PTGFR: variants seen among roughly 807,000 people sequenced by gnomAD.
PTGFR encodes the protein prostaglandin F2-alpha receptor.
PTGFR carries 15 observed loss-of-function variants against 26.2 expected under a neutral mutation model. The observed-to-expected ratio is 0.57, with a 90% CI of 0.38 to 0.88. The LOEUF (loss-of-function observed/expected upper bound fraction) is 0.88, where lower values mean the gene tolerates loss of function less well. PTGFR is among the 40% of genes least tolerant of loss of function. PTGFR has a pLI of 0.00. For missense variants in PTGFR, 369 were observed against 427.2 expected (o/e 0.86, Z 1.20); for synonymous variants, 165 against 151.1 (o/e 1.09, Z -0.68).
Position 78,539,914 on chromosome 1 carries a change from C to A in PTGFR, c.*3227C>A, listed in dbSNP as rs1267578951. Among the ~76,000 whole-genome samples, 3 of 152,022 alleles carry A rather than the reference C, an allele frequency of 2.0e-5. No individual in the cohort carries two copies. The highest frequency in any genetic ancestry group is 2.9e-5 in the Non-Finnish European group (2 of 67,988). On this transcript the variant is annotated 3_prime_UTR_variant, in exon 3 of 3. Transcript: ENST00000370757. ...CTTCTGTGATATCTTCTCTCTTTTA[C>A]CTGTGTCTCAACTTACCTAGGCAAG...
At position 78,536,741 on chromosome 1, in the gene PTGFR, G is replaced by A. The variant is rs774164838; in HGVS notation, c.*54G>A. 432 of 1,533,652 alleles carry A rather than the reference G, an allele frequency of 2.8e-4. 1 individual carries two copies. The highest frequency in any genetic ancestry group is 3.9e-4 in the South Asian group (31 of 78,612). On this transcript the variant is annotated 3_prime_UTR_variant, in exon 3 of 3. Transcript: ENST00000370757. The stretch of plus-strand genomic sequence containing the variant: ...CTAGAACAAAATTAAGACATGTTTG[G>A]CAATATTTCAGTTAGTTAAATACCT...
intron 2 of PTGFR, among the ~76,000 whole-genome samples, chr1:78,515,853 A>G (rs79166555): frequency 3.0e-4 from 46 of 152,294 alleles, no homozygotes; most frequent in African/African-American, 1.1e-3. Context: ...CTACTTGGAA[A>G]AGTTCAAGAA....
intron 2 of PTGFR, among the ~76,000 whole-genome samples, chr1:78,497,066 T>A (rs1649570919): frequency 6.6e-6 from 1 of 152,170 alleles, no homozygotes; most frequent in South Asian, 2.1e-4. Context: ...GTGTCCACCA[T>A]TACAGGATCA....
intron 2 of PTGFR, among the ~76,000 whole-genome samples, chr1:78,532,872 A>G (rs978562692): frequency 3.9e-5 from 6 of 152,180 alleles, no homozygotes; most frequent in Non-Finnish European, 4.4e-5. Flanking sequence ...TACTCTACAT[A>G]TTAACTGAGT....
chr1:78,517,638 C>T (rs541847784), intron 2 of PTGFR, among the ~76,000 whole-genome samples: 34 of 152,168 alleles, frequency 2.2e-4, no homozygotes, highest in Admixed American at 8.5e-4. Context: ...AAAGGTCATT[C>T]ACTGGAGCAA....
Position 78,538,488 on chromosome 1 carries a change from T to C in PTGFR, c.*1801T>C, listed in dbSNP as rs936407965. 4.6e-5 allele frequency: 7 copies of C among 151,710 alleles called. 1 individual carries two copies. In the East Asian group the frequency reaches 1.4e-3, roughly 29 times the overall value. 9.4% of individuals were successfully genotyped at this position (151,710 alleles called of 1,614,324 possible). ...TGAGTATATGTTTGGGTAACCAAAT[T>C]GGTCTTAAAAATGATGTTAACCCAA... On this transcript the variant is annotated 3_prime_UTR_variant, in exon 3 of 3. Transcript: ENST00000370757.
At position 78,536,538 on chromosome 1, in the gene PTGFR, G is replaced by C; in HGVS notation, c.931G>C (p.Val311Leu). The C allele has an allele frequency of 6.2e-7, 1 of 1,613,400 alleles. No individual in the cohort carries two copies. Among genetic ancestry groups the C allele is most frequent in the Non-Finnish European group, 8.5e-7 (1 of 1,179,520 alleles). ...PWVYILLRKAVLKNLYKLASQ... is the reference protein window; with the variant it reads ...PWVYILLRKALLKNLYKLASQ... ...GGTATATATTCTTCTACGAAAGGCTGTCCTTAAGAATCTCTATAAGCTTGC... is the reference window on the plus strand; with the variant it reads ...GGTATATATTCTTCTACGAAAGGCTCTCCTTAAGAATCTCTATAAGCTTGC... The change falls in exon 3 of 3, where the codon GTC (valine) becomes CTC (leucine). Residue 311 changes from valine to leucine, a missense_variant. Transcript: ENST00000370757.
chr1:78,492,422 G>A lies in PTGFR; in HGVS notation c.-72-250G>A, dbSNP rs151054987. Among the ~76,000 whole-genome samples, 326 of 152,330 alleles carry A rather than the reference G, an allele frequency of 2.1e-3. 2 individuals are homozygous for A. Among genetic ancestry groups the A allele is most frequent in the Admixed American group, 4.3e-3 (66 of 15,308 alleles). The stretch of plus-strand genomic sequence containing the variant: ...TGACGTGTCAGGGGGACATTCAGGA[G>A]GAGGAGGAGGTGCTCATTTGCAGAG... On this transcript the variant is annotated intron_variant, in intron 1 of 2. Transcript: ENST00000370757.
intron 2 of PTGFR, among the ~76,000 whole-genome samples, chr1:78,528,903 G>A (rs553245987): frequency 1.3e-5 from 2 of 152,280 alleles, no homozygotes; most frequent in African/African-American, 4.8e-5. Flanking sequence ...GATGGATGCT[G>A]AGACCGTGAA....
At chr1:78,494,543 C>T (rs1649496651) in intron 2 of PTGFR, among the ~76,000 whole-genome samples, 1 of 152,192 alleles carries the variant, frequency 6.6e-6, no homozygotes, top group African/African-American at 2.4e-5. Context: ...GTTACTAATG[C>T]AGTTTTCCTA....
At chr1:78,526,464 A>C (rs1650375599) in intron 2 of PTGFR, among the ~76,000 whole-genome samples, 1 of 152,062 alleles carries the variant, frequency 6.6e-6, no homozygotes, top group Non-Finnish European at 1.5e-5. Context: ...GAGAACCTAT[A>C]CAGTTTTAAC....
rs944054052 is a variant in PTGFR at position 78,526,506 on chromosome 1, A to G, written c.799-9900A>G. 3.9e-5 allele frequency among the ~76,000 whole-genome samples: 6 copies of G among 152,202 alleles called. No individual in the cohort carries two copies. In the South Asian group the frequency reaches 1.2e-3, roughly 32 times the overall value. On this transcript the variant is annotated intron_variant, in intron 2 of 2. Transcript: ENST00000370757. ...GCCACAGACATCCAGGCATCCTAAC[A>G]TTTTGTCCTAAATCTTCCTGAACCT...
intron 2 of PTGFR, among the ~76,000 whole-genome samples, chr1:78,502,591 T>C (rs1281022596): frequency 6.6e-6 from 1 of 152,178 alleles, no homozygotes; most frequent in African/African-American, 2.4e-5. Flanking sequence ...TTGCTGTTAC[T>C]ATTAAATAAT....
At chr1:78,513,910 A>G (rs1382533327) in intron 2 of PTGFR, among the ~76,000 whole-genome samples, 2 of 152,248 alleles carry the variant, frequency 1.3e-5, no homozygotes, top group African/African-American at 2.4e-5. Flanking sequence ...TGGCCTTAGC[A>G]TCTTCCGTAT....
chr1:78,497,879 C>T lies in PTGFR; in HGVS notation c.798+4338C>T, dbSNP rs12097116. 1,201 of 1,580,890 alleles carry T rather than the reference C, an allele frequency of 7.6e-4. 7 individuals are homozygous for T. In the African/African-American group the frequency reaches 0.012, roughly 16 times the overall value. On this transcript the variant is annotated intron_variant, in intron 2 of 2. Transcript: ENST00000370757. The stretch of plus-strand genomic sequence containing the variant: ...TTGTTTTACCTTCTCTTCAGGGATA[C>T]AGAATAATTTTGAATGGGAAAGAGA...
In PTGFR at chr1:78,537,607, A is replaced by C. The variant is rs1650688955; in HGVS notation, c.*920A>C. 1 of 152,138 alleles carries C rather than the reference A, an allele frequency of 6.6e-6. No homozygotes were observed. The highest frequency in any genetic ancestry group is 2.4e-5 in the African/African-American group (1 of 41,464). 9.4% of individuals were successfully genotyped at this position (152,138 alleles called of 1,614,324 possible). On this transcript the variant is annotated 3_prime_UTR_variant, in exon 3 of 3. Coordinates refer to ENST00000370757, the MANE Select transcript of PTGFR (RefSeq NM_000959.4). ...CATTATTTGTGTCAGAGAACAAAAG[A>C]AACAGAATCAATATATAAAATTCAA...
chr1:78,532,088 A>G, intron 2 of PTGFR: 2 of 324,702 alleles, frequency 6.2e-6, no homozygotes, highest in Non-Finnish European at 1.2e-5. Flanking sequence ...GGCAGGGAAC[A>G]TGGCATGTTT....
At chr1:78,527,089 C>T (rs529487497) in intron 2 of PTGFR, among the ~76,000 whole-genome samples, 18 of 152,210 alleles carry the variant, frequency 1.2e-4, no homozygotes, top group Admixed American at 5.2e-4. Flanking sequence ...ATACATGCTA[C>T]TAACTATGAA....
rs146649045 is a variant in PTGFR at position 78,532,787 on chromosome 1, T to C, written c.799-3619T>C. Among the ~76,000 whole-genome samples the C allele has an allele frequency of 4.1e-3, 618 of 152,128 alleles. 6 individuals are homozygous for C. The highest frequency in any genetic ancestry group is 0.014 in the African/African-American group (572 of 41,524). ...ATGTCACTGTAACTCCGTGTATATA[T>C]GTATATTTATATATCCATATTTTCT... On this transcript the variant is annotated intron_variant, in intron 2 of 2. Transcript: ENST00000370757.
Sources: gnomAD v4.1 joint callset for allele counts (sites outside exome capture counted in the v4.1 genomes callset) on GRCh38, gnomAD v4.1.1 for gene constraint, MANE v1.5 for transcripts, NCBI Gene and HGNC (gene_info 2026-07-23, HGNC 2026-07-21) for gene names.